KIF26B: variants seen among roughly 807,000 people sequenced by gnomAD.
KIF26B encodes the protein kinesin family member 26B, also known as kinesin-like protein KIF26B.
In KIF26B, 63 loss-of-function variants were observed where a neutral mutation model predicts 151.2. The ratio of observed to expected loss-of-function variants is 0.42; its 90% CI spans 0.34 to 0.51. KIF26B has a LOEUF of 0.51. Ranked by LOEUF, KIF26B falls within the 20% of genes least tolerant of loss-of-function variation. The pLI is 0.07. For synonymous variants in KIF26B, 1,357 were observed against 1,262.1 expected (o/e 1.08, Z -1.59); for missense variants, 2,813 against 2,913.6 (o/e 0.97, Z 0.79).
chr1:245,168,475 A>G lies in KIF26B; in HGVS notation c.465+11792A>G, dbSNP rs1020767416. Reference sequence around the variant, plus strand: ...GACAAACAAAAGGACAATTGATTCTAGAAGAGAGATTTAGTATGGAGTATT... The same window carrying G: ...GACAAACAAAAGGACAATTGATTCTGGAAGAGAGATTTAGTATGGAGTATT... On this transcript the variant is annotated intron_variant, in intron 2 of 14. Transcript: ENST00000407071. Among the ~76,000 whole-genome samples the G allele has an allele frequency of 5.3e-5, 8 of 152,262 alleles. No individual in the cohort carries two copies. In the South Asian group the frequency reaches 6.2e-4, roughly 12 times the overall value.
chr1:245,416,080 A>G (rs193019149), intron 3 of KIF26B, among the ~76,000 whole-genome samples: 2 of 148,288 alleles, frequency 1.3e-5, no homozygotes, highest in African/African-American at 5.0e-5. Flanking sequence ...CAGCCTGGCT[A>G]CCATGGAGAA....
chr1:245,516,078 C>T lies in KIF26B; in HGVS notation c.1167-24689C>T, dbSNP rs1300170425. ...GGAGGAGTATTTGGATTCTATTCTG[C>T]TTCTCCCCTGAGTTTGTTTTCACGG... On this transcript the variant is annotated intron_variant, in intron 4 of 14. Transcript: ENST00000407071. The surrounding 1 kb of genome is among the most constrained non-coding windows in gnomAD (Gnocchi z 4.2). Among the ~76,000 whole-genome samples, 2 of 152,034 alleles carry T rather than the reference C, an allele frequency of 1.3e-5. No homozygotes were observed. The highest frequency in any genetic ancestry group is 4.8e-5 in the African/African-American group (2 of 41,394).
intron 4 of KIF26B, among the ~76,000 whole-genome samples, chr1:245,485,755 G>A (rs953365882): frequency 2.0e-5 from 3 of 152,214 alleles, no homozygotes; most frequent in Non-Finnish European, 2.9e-5. Flanking sequence ...ATAAACTGGC[G>A]ATGCTGTGTA....
rs917943909 is a variant in KIF26B at position 245,593,950 on chromosome 1, G to T, written c.1351-8627G>T. Among the ~76,000 whole-genome samples the T allele has an allele frequency of 2.6e-5, 4 of 152,072 alleles. No homozygotes were observed. The South Asian group carries it at 6.2e-4, about 24-fold the overall frequency. The stretch of plus-strand genomic sequence containing the variant: ...ATGATGAGCTTTTTTTCATATGTTT[G>T]TTGGCCACATAAATGTTTTCTTTTG... On this transcript the variant is annotated intron_variant, in intron 5 of 14. Transcript: ENST00000407071.
intron 9 of KIF26B, among the ~76,000 whole-genome samples, chr1:245,612,970 G>C (rs1221365154): frequency 6.6e-6 from 1 of 152,176 alleles, no homozygotes; most frequent in African/African-American, 2.4e-5. Flanking sequence ...AAAGAGTTGA[G>C]CACCAGATCA....
At chr1:245,362,974 C>T (rs1040881736) in intron 2 of KIF26B, among the ~76,000 whole-genome samples, 5 of 152,166 alleles carry the variant, frequency 3.3e-5, no homozygotes, top group South Asian at 2.1e-4. Context: ...TCGCTGCTCC[C>T]GTGAGACTAT....
rs2043484460 is a variant in KIF26B at position 245,608,748 on chromosome 1, C to T, written c.1652-518C>T. On this transcript the variant is annotated intron_variant, in intron 7 of 14. Coordinates refer to ENST00000407071, the MANE Select transcript of KIF26B (RefSeq NM_018012.4). ...GATTTAATCTTGTCACATGTCTGGG[C>T]TCTTGCTTTGTTTCTTTTTTTTTTA... Among the ~76,000 whole-genome samples the T allele has an allele frequency of 2.0e-5, 3 of 151,904 alleles. No individual in the cohort carries two copies. In the South Asian group the frequency reaches 6.3e-4, roughly 32 times the overall value.
chr1:245,442,224 C>CTT (rs1231028050), intron 4 of KIF26B, among the ~76,000 whole-genome samples: 2 of 152,136 alleles, frequency 1.3e-5, no homozygotes, highest in Non-Finnish European at 1.5e-5. Flanking sequence ...GCCTGGTAGC[C>CTT]TTTTTTCTGT....
chr1:245,420,956 G>A (rs996612617), intron 4 of KIF26B, among the ~76,000 whole-genome samples: 2 of 152,256 alleles, frequency 1.3e-5, no homozygotes, highest in Non-Finnish European at 1.5e-5. Flanking sequence ...TTGGAAGACC[G>A]GCTTTGAGGG....
At chr1:245,664,045 G>A (rs1275246010) in intron 10 of KIF26B, among the ~76,000 whole-genome samples, 2 of 152,048 alleles carry the variant, frequency 1.3e-5, no homozygotes, top group Non-Finnish European at 2.9e-5. Flanking sequence ...CCTTTTTGCA[G>A]GTTCAACAAT....
Position 245,305,936 on chromosome 1 carries a change from C to CAAAAAAAAAAAA in KIF26B, c.466-60888_466-60877dup, listed in dbSNP as rs55865379. Reference sequence around the variant, plus strand: ...TGGGTGACAGAGCGAGACGACTCCTCAAAAAAAAAAAAAAAAAAAAAGAAA... The same window carrying CAAAAAAAAAAAA: ...TGGGTGACAGAGCGAGACGACTCCTCAAAAAAAAAAAAAAAAAAAAAAAAAAAAAAAAAGAAA... On this transcript the variant is annotated intron_variant, in intron 2 of 14. Transcript: ENST00000407071. Among the ~76,000 whole-genome samples the CAAAAAAAAAAAA allele has an allele frequency of 4.0e-4, 35 of 86,630 alleles. 1 individual carries two copies. Among genetic ancestry groups the CAAAAAAAAAAAA allele is most frequent in the Admixed American group, 5.9e-4 (4 of 6,790 alleles). The allele number at this position is 86,630 out of a possible 152,430, so 56.8% of individuals were successfully genotyped here. A position where few individuals can be genotyped will look rare whatever the true frequency, so the allele number is the denominator to read the frequency against.
intron 4 of KIF26B, among the ~76,000 whole-genome samples, chr1:245,509,483 C>T (rs1660788241): frequency 6.6e-6 from 1 of 152,178 alleles, no homozygotes; most frequent in African/African-American, 2.4e-5. Context: ...CCTTCAGTTT[C>T]GTTTCCACTC....
intron 4 of KIF26B, among the ~76,000 whole-genome samples, chr1:245,508,104 A>G (rs1660760214): frequency 6.6e-6 from 1 of 152,202 alleles, no homozygotes; most frequent in African/African-American, 2.4e-5. Flanking sequence ...AAGTGATGAA[A>G]CACTTTAAAA....
At chr1:245,424,406 C>T (rs1461438948) in intron 4 of KIF26B, among the ~76,000 whole-genome samples, 2 of 152,128 alleles carry the variant, frequency 1.3e-5, no homozygotes, top group Non-Finnish European at 2.9e-5. Context: ...CCTTGGCCCC[C>T]CAAAGTGCTG....
chr1:245,333,765 A>T (rs534896165), intron 2 of KIF26B, among the ~76,000 whole-genome samples: 1 of 152,180 alleles, frequency 6.6e-6, no homozygotes, highest in Non-Finnish European at 1.5e-5. Context: ...CGGGAGGCCG[A>T]TGCCAGCGGA....
intron 4 of KIF26B, among the ~76,000 whole-genome samples, chr1:245,539,028 T>G (rs969402047): frequency 6.6e-6 from 1 of 152,142 alleles, no homozygotes; most frequent in African/African-American, 2.4e-5. Context: ...ATTCCTAGGT[T>G]TTTCTTTTCA....
intron 9 of KIF26B, among the ~76,000 whole-genome samples, chr1:245,635,186 C>A (rs913600274): frequency 7.1e-6 from 1 of 140,290 alleles, no homozygotes; most frequent in Non-Finnish European, 1.5e-5. Flanking sequence ...TTCCTATTTT[C>A]AGGAAGACTT....
chr1:245,688,787 C>G lies in KIF26B; in HGVS notation c.5804C>G (p.Pro1935Arg). 3 of 1,587,390 alleles carry G rather than the reference C, an allele frequency of 1.9e-6. No homozygotes were observed. The highest frequency in any genetic ancestry group is 2.6e-6 in the Non-Finnish European group (3 of 1,164,116). ...GGCAGGTGCCGGAGCCTCAAGACCCCGAAGAAACGCTCCAATCCAGGTAGG... is the reference window on the plus strand; with the variant it reads ...GGCAGGTGCCGGAGCCTCAAGACCCGGAAGAAACGCTCCAATCCAGGTAGG... ...VGGRCRSLKT[P>R]KKRSNPGSQR... The change falls in exon 12 of 15, where the codon CCG becomes CGG. Residue 1935 changes from proline (P) to arginine (R), a missense_variant. Pro to Arg is a moderately radical substitution (Grantham distance 103). Transcript: ENST00000407071.
intron 3 of KIF26B, among the ~76,000 whole-genome samples, chr1:245,397,683 T>G (rs1181656496): frequency 1.3e-5 from 2 of 152,048 alleles, no homozygotes; most frequent in African/African-American, 2.4e-5. Context: ...GGCATAGTTA[T>G]GAGATTTGGG....
Sources: gnomAD v4.1 joint callset for allele counts (sites outside exome capture counted in the v4.1 genomes callset) on GRCh38, gnomAD v4.1.1 for gene constraint, Gnocchi (gnomAD v3.1) non-coding constraint, MANE v1.5 for transcripts, NCBI Gene and HGNC (gene_info 2026-07-23, HGNC 2026-07-21) for gene names.